RASSF4: variants seen among roughly 807,000 people sequenced by gnomAD.
RASSF4 encodes Ras association domain family member 4.
Under a neutral mutation model 41.1 loss-of-function variants are expected in RASSF4, and 38 were observed. The observed-to-expected ratio is 0.92, with a 90% CI of 0.71 to 1.21. The LOEUF is 1.21. RASSF4 is among the 50% of genes most tolerant of loss of function. The probability of loss-of-function intolerance (pLI) is 0.00; values close to 1 mark genes in which losing one functional copy is unlikely to be tolerated. For missense variants in RASSF4, 414 were observed against 419.4 expected (o/e 0.99, Z 0.11); for synonymous variants, 179 against 163.4 (o/e 1.10, Z -0.73).
At chr10:44,986,918 A>G (rs1350723463) in intron 6 of RASSF4, among the ~76,000 whole-genome samples, 9 of 152,138 alleles carry the variant, frequency 5.9e-5, no homozygotes, top group African/African-American at 1.9e-4. Context: ...TGCCTGACCT[A>G]TTGGATTCAA....
At chr10:44,961,359 C>A (rs1840702092) in intron 1 of RASSF4, among the ~76,000 whole-genome samples, 1 of 152,232 alleles carries the variant, frequency 6.6e-6, no homozygotes, top group Admixed American at 6.5e-5. Flanking sequence ...TGGACCATGA[C>A]AGATAACAAA....
At chr10:44,978,764 A>C (rs981944240) in intron 3 of RASSF4, 1 of 152,206 alleles carries the variant, frequency 6.6e-6, no homozygotes, top group Non-Finnish European at 1.5e-5. Flanking sequence ...AGGACAGTGC[A>C]CTGAGTCTCA....
chr10:44,963,516 G>C (rs1028967272), intron 1 of RASSF4, among the ~76,000 whole-genome samples: 2 of 152,156 alleles, frequency 1.3e-5, no homozygotes, highest in Admixed American at 1.3e-4. Context: ...TTCGAATGTG[G>C]TAGCCACAGA....
chr10:44,977,423 T>C, intron 3 of RASSF4: 7 of 1,601,448 alleles, frequency 4.4e-6, no homozygotes, highest in Middle Eastern at 1.7e-4. Context: ...GAGGTGCGAG[T>C]AGAGTGTTCT....
intron 4 of RASSF4, 107 bp downstream of exon 4, chr10:44,982,770 A>G: frequency 7.8e-7 from 1 of 1,276,054 alleles, no homozygotes; most frequent in Non-Finnish European, 1.1e-6. Context: ...ACACTGGCAC[A>G]GGAGGGTGAC....
chr10:44,977,378 T>G (rs576190758), intron 3 of RASSF4: 1 of 1,552,754 alleles, frequency 6.4e-7, no homozygotes, highest in Admixed American at 1.9e-5. Flanking sequence ...ACAGAAGCCT[T>G]TACTGGGGAG....
rs551529278 is a variant in RASSF4, at chr10:44,987,066, G to T, written c.531+2096G>T. Among the ~76,000 whole-genome samples, 5 of 152,328 alleles carry T rather than the reference G, an allele frequency of 3.3e-5. No individual in the cohort carries two copies. In the South Asian group the frequency reaches 8.3e-4, roughly 25 times the overall value. On this transcript the variant is annotated intron_variant, in intron 6 of 10. Transcript: ENST00000340258. ...AAGAAACACAGTGTCTTGTTAACAA[G>T]ACTTTTTGTCCCTTTGAAATAGCCT...
At position 44,989,223 on chromosome 10, in the gene RASSF4, T is replaced by C. The variant is rs765032173; in HGVS notation, c.532-51T>C. 5 of 1,164,694 alleles carry C rather than the reference T, an allele frequency of 4.3e-6. No homozygotes were observed. In the African/African-American group the frequency reaches 6.0e-5, roughly 14 times the overall value. 72.1% of individuals were successfully genotyped at this position (1,164,694 alleles called of 1,614,324 possible). A position where few individuals can be genotyped will look rare whatever the true frequency, so the allele number is the denominator to read the frequency against. The stretch of plus-strand genomic sequence containing the variant: ...GGTCTGTTCACCGTTGTGATGTCAG[T>C]CCCTTGTCCCCTCTGGGCCTGACCT... On this transcript the variant is annotated intron_variant, in intron 6 of 10. Coordinates refer to ENST00000340258, the MANE Select transcript of RASSF4 (RefSeq NM_032023.4).
Position 44,993,659 on chromosome 10 carries a change from C to CA in RASSF4, c.*331dup, listed in dbSNP as rs746680505. 4.8e-5 allele frequency: 14 copies of CA among 293,266 alleles called. No homozygotes were observed. Among genetic ancestry groups the CA allele is most frequent in the Non-Finnish European group, 9.2e-5 (14 of 152,532 alleles). The allele number at this position is 293,266 out of a possible 1,614,324, so 18.2% of individuals were successfully genotyped here. Reference sequence around the variant, plus strand: ...GCGGCTTAGGCTTCATCTGCTTGCACATTGCCTGTCCCAGAGCCCCTGTGG... The same window carrying CA: ...GCGGCTTAGGCTTCATCTGCTTGCACAATTGCCTGTCCCAGAGCCCCTGTGG... On this transcript the variant is annotated 3_prime_UTR_variant, in exon 11 of 11. Transcript: ENST00000340258.
chr10:44,974,939 G>A (rs1277395549), intron 3 of RASSF4, among the ~76,000 whole-genome samples: 2 of 152,252 alleles, frequency 1.3e-5, no homozygotes, highest in Non-Finnish European at 2.9e-5. Flanking sequence ...TTTTGAAGAT[G>A]GCAAAGGGCT....
At chr10:44,972,654 T>C (rs1841226997) in intron 3 of RASSF4, among the ~76,000 whole-genome samples, 1 of 152,270 alleles carries the variant, frequency 6.6e-6, no homozygotes, top group Non-Finnish European at 1.5e-5. Flanking sequence ...TCACATCCTC[T>C]GATGTTTCAT....
intron 1 of RASSF4, among the ~76,000 whole-genome samples, chr10:44,966,711 T>C (rs867927760): frequency 1.4e-4 from 21 of 152,332 alleles, no homozygotes; most frequent in Middle Eastern, 6.8e-3. Flanking sequence ...CTCAGAGAGT[T>C]GCCTGGTTAA....
intron 8 of RASSF4, among the ~76,000 whole-genome samples, chr10:44,990,131 G>C (rs908916678): frequency 2.6e-5 from 4 of 152,174 alleles, no homozygotes; most frequent in African/African-American, 7.2e-5. Flanking sequence ...GGTGGGGTGC[G>C]TGTCGCAGTG....
At chr10:44,965,227 TG>T (rs1840857760) in intron 1 of RASSF4, among the ~76,000 whole-genome samples, 1 of 152,224 alleles carries the variant, frequency 6.6e-6, no homozygotes, top group South Asian at 2.1e-4. Flanking sequence ...GCTTAGATTC[TG>T]GTGAAACAGG....
rs202059965 is a variant in RASSF4 at position 44,982,585 on chromosome 10, G to A, written c.203G>A (p.Arg68Gln). The change falls in exon 4 of 11, where the codon CGG becomes CAG. Residue 68 changes from arginine to glutamine, a missense_variant. Arg to Gln is a conservative substitution (Grantham distance 43, BLOSUM62 1). Coordinates refer to ENST00000340258, the MANE Select transcript of RASSF4 (RefSeq NM_032023.4). ...NIAWGLRRPI[R>Q]LQMQDDREQV... ...GCCTGGGGGCTGAGGCGGCCCATCCGGCTGCAGATGCAGGATGACCGGGAG... is the reference window on the plus strand; with the variant it reads ...GCCTGGGGGCTGAGGCGGCCCATCCAGCTGCAGATGCAGGATGACCGGGAG... 8.4e-5 allele frequency: 136 copies of A among 1,612,838 alleles called. No homozygotes were observed. Among genetic ancestry groups the A allele is most frequent in the Admixed American group, 8.4e-4 (50 of 59,820 alleles).
At position 44,989,683 on chromosome 10, in the gene RASSF4, C is replaced by T. The variant is rs745793628; in HGVS notation, c.647C>T (p.Pro216Leu). ...LLNKFRVEDGPSEFALYIVHE... is the reference protein window; with the variant it reads ...LLNKFRVEDGLSEFALYIVHE... ...CTGCCTGTGCAGGTGGAAGATGGCC[C>T]CAGTGAGTTCGCACTCTACATCGTT... is the stretch of plus-strand genomic sequence containing the variant. Residue 216 changes from proline (P) to leucine (L), a missense_variant, in exon 8 of 11, where the codon CCC becomes CTC. By Grantham distance (98) the Pro-to-Leu change is moderately conservative. Transcript: ENST00000340258. 3 of 1,614,176 alleles carry T rather than the reference C, an allele frequency of 1.9e-6. No homozygotes were observed. Among genetic ancestry groups the T allele is most frequent in the African/African-American group, 1.3e-5 (1 of 75,048 alleles).
At chr10:44,965,944 G>A (rs1840887616) in intron 1 of RASSF4, among the ~76,000 whole-genome samples, 1 of 152,110 alleles carries the variant, frequency 6.6e-6, no homozygotes, top group South Asian at 2.1e-4. Flanking sequence ...GGCGTGCAGG[G>A]GAAAAGCACT....
chr10:44,968,845 A>G (rs1412203872), intron 1 of RASSF4, among the ~76,000 whole-genome samples: 2 of 152,188 alleles, frequency 1.3e-5, no homozygotes, highest in Non-Finnish European at 2.9e-5. Flanking sequence ...TGTCGTGGGC[A>G]GGATGTGGTG....
rs537258866 is a variant in RASSF4 at position 44,971,421 on chromosome 10, C to T, written c.63-352C>T. On this transcript the variant is annotated intron_variant, in intron 2 of 10. Transcript: ENST00000340258. ...GGCTGTACAATGCCAAAAGCAAGTC[C>T]AGGGCATTTACTGTGAGGAAGCAAC... 3 of 482,422 alleles carry T rather than the reference C, an allele frequency of 6.2e-6. No homozygotes were observed. In the East Asian group the frequency reaches 1.7e-4, roughly 27 times the overall value. 29.9% of individuals were successfully genotyped at this position (482,422 alleles called of 1,614,324 possible).
Sources: gnomAD v4.1 joint callset for allele counts (sites outside exome capture counted in the v4.1 genomes callset) on GRCh38, gnomAD v4.1.1 for gene constraint, MANE v1.5 for transcripts, NCBI Gene and HGNC (gene_info 2026-07-23, HGNC 2026-07-21) for gene names.